Variants in PLD1 observed in about 807,000 individuals in gnomAD.
The protein encoded by PLD1 is phospholipase D1.
PLD1 carries 112 observed loss-of-function variants against 137.1 expected under a neutral mutation model. The ratio of observed to expected loss-of-function variants is 0.82; its 90% confidence interval spans 0.70 to 0.96. The LOEUF (loss-of-function observed/expected upper bound fraction) is 0.96. Ranked by LOEUF, PLD1 falls within the 40% of genes least tolerant of loss-of-function variation. The probability of loss-of-function intolerance (pLI) is 0.00; values close to 1 mark genes in which losing one functional copy is unlikely to be tolerated. For missense variants in PLD1, 1,321 were observed against 1,342.0 expected (o/e 0.98, Z 0.24); for synonymous variants, 431 against 454.7 (o/e 0.95, Z 0.66).
chr3:171,613,241 C>T (rs1228006272), intron 24 of PLD1, among the ~76,000 whole-genome samples: 1 of 152,124 alleles, frequency 6.6e-6, no homozygotes, highest in East Asian at 1.9e-4. Context: ...AATTAGCCAA[C>T]CTTTGAATAT....
At chr3:171,783,642 GTTTA>G (rs979689261) in intron 1 of PLD1, among the ~76,000 whole-genome samples, 3 of 151,910 alleles carry the variant, frequency 2.0e-5, no homozygotes, top group East Asian at 3.9e-4. Flanking sequence ...TTGTTTGCCT[GTTTA>G]TTTGTTTGTT....
intron 1 of PLD1, among the ~76,000 whole-genome samples, chr3:171,772,641 C>T (rs78471944): frequency 3.2e-3 from 482 of 152,220 alleles, no homozygotes; most frequent in African/African-American, 0.011. Flanking sequence ...GAGCTAGTAC[C>T]CCACCTGCTG....
intron 1 of PLD1, chr3:171,809,225 A>C (rs1314425670): frequency 2.6e-5 from 4 of 152,218 alleles, no homozygotes; most frequent in African/African-American, 9.7e-5. Context: ...ACAACATTTA[A>C]AGGCTGTCTA....
chr3:171,705,511 A>G (rs1307872810), intron 11 of PLD1, among the ~76,000 whole-genome samples: 3 of 152,116 alleles, frequency 2.0e-5, no homozygotes, highest in Non-Finnish European at 4.4e-5. Flanking sequence ...ATGTACAAAT[A>G]CCTCCTACAA....
chr3:171,605,310 T>C lies in PLD1; in HGVS notation c.2989A>G (p.Ile997Val). 6.3e-7 allele frequency: 1 copy of C among 1,592,820 alleles called. No homozygotes were observed. The highest frequency in any genetic ancestry group is 1.1e-5 in the South Asian group (1 of 90,656). Residue 997 changes from isoleucine (I) to valine (V), a missense_variant, in exon 26 of 27, where the codon ATT becomes GTT. By Grantham distance (29) the Ile-to-Val change is conservative. Coordinates refer to ENST00000351298, the MANE Select transcript of PLD1 (RefSeq NM_002662.5). The stretch of plus-strand genomic sequence containing the variant: ...TACGTGAACTTCACCTTGTCATAAA[T>C]TGTAGCATTTCGAGCTGCTGTTGAA... ...WVSTAARNATIYDKVFRCLPN... is the reference protein window; with the variant it reads ...WVSTAARNATVYDKVFRCLPN...
chr3:171,630,729 T>C (rs911991325), intron 23 of PLD1, among the ~76,000 whole-genome samples: 21 of 147,062 alleles, frequency 1.4e-4, no homozygotes, highest in African/African-American at 4.7e-4. Flanking sequence ...ATGGATGAAA[T>C]TGGAAATCAC....
chr3:171,806,807 G>T (rs904468018), intron 1 of PLD1, among the ~76,000 whole-genome samples: 7 of 152,196 alleles, frequency 4.6e-5, no homozygotes, highest in African/African-American at 1.4e-4. Context: ...TTATTTTTCT[G>T]ATAGATACTC....
At chr3:171,713,834 A>G in intron 9 of PLD1, 59 bp downstream of exon 9, 1 of 1,439,278 alleles carries the variant, frequency 6.9e-7, no homozygotes, top group African/African-American at 1.4e-5. Context: ...TAAGGTTGAG[A>G]AAAAAATGTT....
At chr3:171,695,452 A>G (rs1715597668) in intron 12 of PLD1, among the ~76,000 whole-genome samples, 1 of 152,238 alleles carries the variant, frequency 6.6e-6, no homozygotes, top group South Asian at 2.1e-4. Context: ...CAAAGTTTCC[A>G]TAGAATAAAT....
At chr3:171,661,312 T>C (rs993188195) in intron 20 of PLD1, among the ~76,000 whole-genome samples, 3 of 152,172 alleles carry the variant, frequency 2.0e-5, no homozygotes, top group African/African-American at 7.2e-5. Context: ...TTCCCCTATC[T>C]ACCTTTAAAA....
At position 171,626,203 on chromosome 3, in the gene PLD1, A is replaced by T. The variant is rs181295353; in HGVS notation, c.2594-5683T>A. On this transcript the variant is annotated intron_variant, in intron 23 of 26. Coordinates refer to ENST00000351298, the MANE Select transcript of PLD1 (RefSeq NM_002662.5). ...CCAAGGCTCGAGAACTACATGAAGA[A>T]CGCAGAAGCCTCAAGAGCCGATGCG... Among the ~76,000 whole-genome samples the T allele has an allele frequency of 5.1e-4, 78 of 152,380 alleles. No individual in the cohort carries two copies. In the East Asian group the frequency reaches 0.015, roughly 29 times the overall value.
chr3:171,725,635 A>G (rs1278784186), intron 7 of PLD1, among the ~76,000 whole-genome samples: 1 of 152,258 alleles, frequency 6.6e-6, no homozygotes, highest in Non-Finnish European at 1.5e-5. Flanking sequence ...TATTTTACAT[A>G]GTATTATTTT....
At chr3:171,752,611 T>C (rs1054428719) in intron 1 of PLD1, among the ~76,000 whole-genome samples, 5 of 152,242 alleles carry the variant, frequency 3.3e-5, no homozygotes, top group Admixed American at 2.0e-4. Context: ...ACCCCACACT[T>C]CAGAGGCTTT....
Position 171,639,136 on chromosome 3 carries a change from T to G in PLD1, c.2593+3704A>C, listed in dbSNP as rs541155816. ...TGAGTCAATTCCTCATAATAAATCT[T>G]TTCATATATATATATGAAAGATAGA... On this transcript the variant is annotated intron_variant, in intron 23 of 26. Transcript: ENST00000351298. Among the ~76,000 whole-genome samples the G allele has an allele frequency of 4.1e-5, 6 of 147,552 alleles. No homozygotes were observed. The East Asian group carries it at 9.7e-4, about 24-fold the overall frequency.
intron 13 of PLD1, among the ~76,000 whole-genome samples, chr3:171,691,354 CT>C (rs1335604223): frequency 6.6e-6 from 1 of 152,090 alleles, no homozygotes; most frequent in Non-Finnish European, 1.5e-5. Context: ...CTACTATTTT[CT>C]ACTACATGTC....
chr3:171,684,694 C>T (rs1387198071), intron 16 of PLD1, among the ~76,000 whole-genome samples: 1 of 152,182 alleles, frequency 6.6e-6, no homozygotes. Flanking sequence ...CTTCCAGGCT[C>T]CAGCAATTCT....
chr3:171,810,436 CG>C lies in PLD1; in HGVS notation c.-70del, dbSNP rs1724067790. 1 of 152,144 alleles carries C rather than the reference CG, an allele frequency of 6.6e-6. No homozygotes were observed. Among genetic ancestry groups the C allele is most frequent in the Non-Finnish European group, 1.5e-5 (1 of 68,058 alleles). 9.4% of individuals were successfully genotyped at this position (152,144 alleles called of 1,614,324 possible). ...GGGGCCGCTAGCACCTGCGCGTTGG[CG>C]GCGGACTCTCAGGGCTCGGGTGCCT... On this transcript the variant is annotated 5_prime_UTR_variant, in exon 1 of 27. Coordinates refer to ENST00000351298, the MANE Select transcript of PLD1 (RefSeq NM_002662.5).
chr3:171,680,061 T>C (rs1713803344), intron 16 of PLD1, among the ~76,000 whole-genome samples: 2 of 152,092 alleles, frequency 1.3e-5, no homozygotes, highest in South Asian at 4.2e-4. Context: ...GGGGGACTTC[T>C]TGTTCCTTGC....
At chr3:171,752,697 T>C (rs1437539352) in intron 1 of PLD1, among the ~76,000 whole-genome samples, 1 of 152,206 alleles carries the variant, frequency 6.6e-6, no homozygotes, top group African/African-American at 2.4e-5. Flanking sequence ...AGAAATGAAT[T>C]AAATGAGGGA....
Sources: allele counts gnomAD v4.1 joint callset (sites outside exome capture counted in the v4.1 genomes callset), GRCh38; gene constraint gnomAD v4.1.1; transcripts MANE v1.5; gene names NCBI Gene and HGNC (gene_info 2026-07-23, HGNC 2026-07-21).